Variants in UTP14A observed in about 807,000 individuals in gnomAD.
The protein encoded by UTP14A is U3 small nucleolar RNA-associated protein 14 homolog A.
Under a neutral mutation model 57.2 loss-of-function variants are expected in UTP14A, and 5 were observed. That is an observed-to-expected ratio of 0.09 (90% confidence interval 0.05 to 0.18). The LOEUF (loss-of-function observed/expected upper bound fraction) is 0.18, where lower values mean the gene tolerates loss of function less well. Among genes scored for constraint, UTP14A ranks in the 10% least tolerant of loss-of-function variants. The pLI is 1.00. For synonymous variants in UTP14A, 169 were observed against 210.9 expected, an observed-to-expected ratio of 0.80 and a Z score of 1.72; for missense variants, 430 against 562.1, an observed-to-expected ratio of 0.76 and a Z score of 2.38.
chrX:129,914,433 C>T (rs1005915779), intron 6 of UTP14A, among the ~76,000 whole-genome samples: 1 of 109,361 alleles, frequency 9.1e-6, no homozygotes, highest in Non-Finnish European at 1.9e-5. Flanking sequence ...GTAAATTAGC[C>T]GGGCATGGTA....
At position 129,906,247 on chromosome X, in the gene UTP14A, A is replaced by G. The variant is rs1929253734; in HGVS notation, c.26+11A>G. The stretch of plus-strand genomic sequence containing the variant: ...CCGGCTTGCAGAGAGGTGAAGGGCA[A>G]CGAGGGGAGGGGGGATTCTGGGTCT... On this transcript the variant is annotated intron_variant, in intron 1 of 14. Coordinates refer to ENST00000394422, the MANE Select transcript of UTP14A (RefSeq NM_006649.4). 1 of 1,195,490 alleles carries G rather than the reference A, an allele frequency of 8.4e-7. No homozygotes were observed. The highest frequency in any genetic ancestry group is 1.8e-5 in the African/African-American group (1 of 56,240).
At chrX:129,920,954 G>GGGGGA (rs764913209) in intron 10 of UTP14A, 416 of 752,612 alleles carry the variant, frequency 5.5e-4, no homozygotes, top group Non-Finnish European at 6.3e-4. Context: ...CAAGTCCAAA[G>GGGGGA]GGGGAGAGGA....
rs771552815 is a variant in UTP14A at position 129,919,536 on chromosome X, C to A, written c.752+47C>A. 4 of 1,154,540 alleles carry A rather than the reference C, an allele frequency of 3.5e-6. No individual in the cohort carries two copies. The African/African-American group carries it at 7.2e-5, about 21-fold the overall frequency. ...GGCCTTGGGTTCCACAGAAGAAAGT[C>A]ATGTGGTTCATCATGAATTCTTTGG... On this transcript the variant is annotated intron_variant, in intron 8 of 14. Transcript: ENST00000394422.
intron 6 of UTP14A, among the ~76,000 whole-genome samples, chrX:129,912,959 T>C (rs1163006226): frequency 8.9e-6 from 1 of 112,017 alleles, no homozygotes; most frequent in Non-Finnish European, 1.9e-5. Context: ...AAATGGTAGT[T>C]ATGCTCTTGG....
At position 129,920,778 on chromosome X, in the gene UTP14A, G is replaced by T. The variant is rs761559510; in HGVS notation, c.954+26G>T. On this transcript the variant is annotated intron_variant, in intron 10 of 14. Coordinates refer to ENST00000394422, the MANE Select transcript of UTP14A (RefSeq NM_006649.4). ...GTAAGAGACCCTTGGGGTGAGAGAA[G>T]ATCTGGAATTGGAGGATGCTAGCAG... is the stretch of plus-strand genomic sequence containing the variant. The T allele has an allele frequency of 3.3e-6, 4 of 1,211,804 alleles. No homozygotes were observed. The South Asian group carries it at 7.0e-5, about 21-fold the overall frequency.
intron 5 of UTP14A, 129 bp from the exon 6 acceptor site, chrX:129,911,637 T>G (rs1929472622): frequency 1.4e-5 from 11 of 790,416 alleles, no homozygotes; most frequent in Non-Finnish European, 1.5e-5. Context: ...CCTGATTCTT[T>G]CATCCTGATT....
intron 11 of UTP14A, 34 bp from the exon 12 acceptor site, chrX:129,924,761 A>C (rs2281277): frequency 0.13 from 150,784 of 1,181,004 alleles, 9,068 homozygotes; most frequent in African/African-American, 0.42. Flanking sequence ...TACAAACCTC[A>C]TTTTCTGACA....
chrX:129,919,457 G>A lies in UTP14A; in HGVS notation c.720G>A (p.Lys240=). 1 of 1,211,775 alleles carries A rather than the reference G, an allele frequency of 8.3e-7. No homozygotes were observed. The highest frequency in any genetic ancestry group is 1.1e-6 in the Non-Finnish European group (1 of 895,542). The change falls in exon 8 of 15, where the codon AAG becomes AAA. Residue 240 remains lysine (K), a synonymous_variant. Coordinates refer to ENST00000394422, the MANE Select transcript of UTP14A (RefSeq NM_006649.4). ...ARALQSYYEA[K]ARREKKIKSK... ...CTCTGCAGTCCTACTATGAGGCCAAGGCTCGAAGAGAGAAGAAAATCAAAA... is the reference window on the plus strand; with the variant it reads ...CTCTGCAGTCCTACTATGAGGCCAAAGCTCGAAGAGAGAAGAAAATCAAAA...
In UTP14A at chrX:129,919,231, A is replaced by G. The variant is rs1929817323; in HGVS notation, c.594A>G (p.Pro198=). 8.3e-7 allele frequency: 1 copy of G among 1,211,999 alleles called. No individual in the cohort carries two copies. Among genetic ancestry groups the G allele is most frequent in the Non-Finnish European group, 1.1e-6 (1 of 895,573 alleles). ...ACCTCCTCCATAAGAACAAGCAGCC[A>G]GTGACAGACCCTTTACTGACCCCTG... ...IFNLLHKNKQ[P]VTDPLLTPVE... The change falls in exon 7 of 15, where the codon CCA becomes CCG. Residue 198 remains proline, a synonymous_variant. Transcript: ENST00000394422.
At chrX:129,909,104 A>G (rs1286034376) in intron 4 of UTP14A, among the ~76,000 whole-genome samples, 4 of 111,812 alleles carry the variant, frequency 3.6e-5, no homozygotes, top group South Asian at 7.5e-4. Flanking sequence ...CTCTTCAGCC[A>G]GAGCTCAGAG....
In UTP14A at chrX:129,924,942, C is replaced by A; in HGVS notation, c.1496C>A (p.Pro499His). The change falls in exon 12 of 15, where the codon CCC (proline) becomes CAC (histidine). Residue 499 changes from proline to histidine, a missense_variant. Physicochemically the swap from Pro to His is moderately conservative, Grantham distance 77 (BLOSUM62 -2). Transcript: ENST00000394422. ...REEPAPEEEE[P>H]LLLQRPERVQ... is the part of the protein sequence containing the mutation. ...GAACCTGCCCCAGAAGAAGAGGAGC[C>A]CCTGTTGCTACAGAGACCAGAGAGA... The A allele has an allele frequency of 1.7e-6, 2 of 1,211,197 alleles. No homozygotes were observed. The highest frequency in any genetic ancestry group is 2.2e-6 in the Non-Finnish European group (2 of 895,438).
At chrX:129,924,614 T>C (rs1930033206) in intron 11 of UTP14A, among the ~76,000 whole-genome samples, 181 bp from the exon 12 acceptor site, 1 of 111,308 alleles carries the variant, frequency 9.0e-6, no homozygotes, top group East Asian at 2.8e-4. Flanking sequence ...CAAACTCCGT[T>C]GCCTGCTATG....
chrX:129,919,318 G>T (rs1245859064), intron 7 of UTP14A, 24 bp downstream of exon 7: 1 of 1,209,323 alleles, frequency 8.3e-7, no homozygotes, highest in African/African-American at 1.8e-5. Context: ...AGGCCCTTCA[G>T]CACACCCAGG....
At chrX:129,926,181 A>G in intron 13 of UTP14A, 59 bp from the exon 14 acceptor site, 1 of 1,206,730 alleles carries the variant, frequency 8.3e-7, no homozygotes, top group Non-Finnish European at 1.1e-6. Context: ...TGTCCTCCCT[A>G]CCCTTTTGAC....
chrX:129,921,519 G>A lies in UTP14A; in HGVS notation c.1280G>A (p.Arg427Lys). Reference sequence around the variant, plus strand: ...ATTTTGTTGAGAGAATTTGAGGAAAGGCGATCCCTTAGAAAAAGATCTGAG... The same window carrying A: ...ATTTTGTTGAGAGAATTTGAGGAAAAGCGATCCCTTAGAAAAAGATCTGAG... ...EEILLREFEE[R>K]RSLRKRSELS... The change falls in exon 11 of 15, where the codon AGG becomes AAG. Residue 427 changes from arginine to lysine, a missense_variant. Arg to Lys is a conservative substitution (Grantham distance 26, BLOSUM62 2). Around this residue, in one of 4 missense-constraint regions of UTP14A, gnomAD observed 120 missense variants for 116.8 expected, o/e 1.03. Transcript: ENST00000394422. 8.3e-7 allele frequency: 1 copy of A among 1,211,523 alleles called. No homozygotes were observed. The highest frequency in any genetic ancestry group is 1.1e-6 in the Non-Finnish European group (1 of 895,549).
At chrX:129,926,783 C>T (rs1383352448) in intron 14 of UTP14A, among the ~76,000 whole-genome samples, 2 of 111,668 alleles carry the variant, frequency 1.8e-5, no homozygotes, top group African/African-American at 3.3e-5. Flanking sequence ...TTCAAGGCTG[C>T]TCTGGGAGTA....
intron 6 of UTP14A, among the ~76,000 whole-genome samples, chrX:129,918,396 C>CAAAAA (rs766869516): frequency 5.7e-4 from 28 of 49,414 alleles, no homozygotes; most frequent in Non-Finnish European, 8.3e-4. Flanking sequence ...TCTCAGAAAA[C>CAAAAA]AAAAAAAAAA....
chrX:129,908,505 G>C lies in UTP14A; in HGVS notation c.174-165G>C. The C allele has an allele frequency of 7.7e-6, 4 of 519,017 alleles. No individual in the cohort carries two copies. In the South Asian group the frequency reaches 1.2e-4, roughly 16 times the overall value. 42.8% of individuals were successfully genotyped at this position (519,017 alleles called of 1,213,427 possible). A position where few individuals can be genotyped will look rare whatever the true frequency, so the allele number is the denominator to read the frequency against. On this transcript the variant is annotated intron_variant, in intron 3 of 14. Transcript: ENST00000394422. ...GAAGAGATGAGGGTTAGACAACCAAGTCCAAGTTAGGAACAGATCTCCTTG... is the reference window on the plus strand; with the variant it reads ...GAAGAGATGAGGGTTAGACAACCAACTCCAAGTTAGGAACAGATCTCCTTG...
chrX:129,906,363 C>A, intron 1 of UTP14A, 127 bp downstream of exon 1: 1 of 664,659 alleles, frequency 1.5e-6, no homozygotes, highest in South Asian at 2.6e-5. Context: ...GCCATTCGTT[C>A]CTATTTTCCG....
Sources: allele counts gnomAD v4.1 joint callset (sites outside exome capture counted in the v4.1 genomes callset), GRCh38; gene constraint gnomAD v4.1.1; regional missense constraint gnomAD v4.1.1; transcripts MANE v1.5; gene names NCBI Gene and HGNC (gene_info 2026-07-23, HGNC 2026-07-21).